The following RFX3 variants were observed in gnomAD, a reference collection of about 807,000 sequenced individuals.
The protein encoded by RFX3 is regulatory factor X3.
A neutral mutation model predicts 98.6 loss-of-function variants in RFX3; 14 were observed. The observed-to-expected ratio is 0.14, with a 90% CI of 0.09 to 0.22. The LOEUF (loss-of-function observed/expected upper bound fraction) is 0.22. Ranked by LOEUF, RFX3 falls within the 10% of genes least tolerant of loss-of-function variation. The pLI, the probability that RFX3 is intolerant of heterozygous loss-of-function variation, is 1.00. For missense variants in RFX3, 639 were observed against 926.9 expected (o/e 0.69, Z 4.03); for synonymous variants, 383 against 328.4 (o/e 1.17, Z -1.80).
At chr9:3,364,067 G>C (rs1836773634) in intron 2 of RFX3, among the ~76,000 whole-genome samples, 1 of 152,062 alleles carries the variant, frequency 6.6e-6, no homozygotes, top group African/African-American at 2.4e-5. Flanking sequence ...GTAGAGACGG[G>C]GTTTCACCAT....
intron 1 of RFX3, chr9:3,490,411 A>G (rs1325419341): frequency 5.3e-6 from 2 of 378,552 alleles, no homozygotes; most frequent in African/African-American, 4.4e-5. Flanking sequence ...TGTAGAAGCC[A>G]TGTGACTATT....
chr9:3,431,514 T>G (rs1225133277), intron 1 of RFX3, among the ~76,000 whole-genome samples: 1 of 152,172 alleles, frequency 6.6e-6, no homozygotes, highest in Non-Finnish European at 1.5e-5. Flanking sequence ...CCAACAGGTA[T>G]GAAAACCCCG....
intron 11 of RFX3, among the ~76,000 whole-genome samples, chr9:3,267,022 A>C (rs1256044079): frequency 2.0e-5 from 3 of 152,030 alleles, no homozygotes; most frequent in African/African-American, 7.2e-5. Flanking sequence ...CCCATGACAG[A>C]AGATTTTACG....
intron 4 of RFX3, among the ~76,000 whole-genome samples, chr9:3,309,840 T>A (rs1250481254): frequency 6.6e-6 from 1 of 152,202 alleles, no homozygotes; most frequent in African/African-American, 2.4e-5. Context: ...TGGCCCTTTG[T>A]TTTGCAGAGT....
Position 3,275,539 on chromosome 9 carries a change from A to C in RFX3, c.1047T>G (p.Asp349Glu). 1 of 1,612,226 alleles carries C rather than the reference A, an allele frequency of 6.2e-7. No homozygotes were observed. The highest frequency in any genetic ancestry group is 8.5e-7 in the Non-Finnish European group (1 of 1,178,416). ...SSLPDGTTFE[D>E]IKSLQSLYRE... is the part of the protein sequence containing the mutation. ...TATAAAGACTCTGCAGTGACTTGATATCCTCAAAGGTAGTACCATCTGGCA... is the reference window on the plus strand; with the variant it reads ...TATAAAGACTCTGCAGTGACTTGATCTCCTCAAAGGTAGTACCATCTGGCA... The change falls in exon 9 of 17, where the codon GAT becomes GAG. Residue 349 changes from aspartate to glutamate, a missense_variant. Coordinates refer to ENST00000617270, the MANE Select transcript of RFX3 (RefSeq NM_001282116.2).
intron 14 of RFX3, among the ~76,000 whole-genome samples, chr9:3,253,863 C>G (rs536827525): frequency 6.6e-6 from 1 of 152,076 alleles, no homozygotes; most frequent in Non-Finnish European, 1.5e-5. Context: ...AATTCTGCTT[C>G]TCTGATAGTT....
intron 1 of RFX3, among the ~76,000 whole-genome samples, chr9:3,518,944 A>G (rs1307404409): frequency 6.6e-6 from 1 of 152,232 alleles, no homozygotes; most frequent in Non-Finnish European, 1.5e-5. Context: ...ATAAAAATGT[A>G]GAATAATTCT....
chr9:3,373,680 T>C (rs1186599807), intron 2 of RFX3, among the ~76,000 whole-genome samples: 1 of 152,108 alleles, frequency 6.6e-6, no homozygotes, highest in Non-Finnish European at 1.5e-5. Context: ...AAGATCAATT[T>C]TATATACAGA....
At chr9:3,327,185 G>T (rs939917669) in intron 4 of RFX3, among the ~76,000 whole-genome samples, 1 of 151,746 alleles carries the variant, frequency 6.6e-6, no homozygotes, top group Admixed American at 6.6e-5. Flanking sequence ...CCATTTAATG[G>T]CATGGCATCT....
chr9:3,312,510 C>A (rs1445777127), intron 4 of RFX3, among the ~76,000 whole-genome samples: 4 of 151,680 alleles, frequency 2.6e-5, no homozygotes, highest in African/African-American at 9.7e-5. Flanking sequence ...ATTACTTCCA[C>A]AGCAATGTCA....
At chr9:3,299,309 A>T (rs1307237975) in intron 5 of RFX3, among the ~76,000 whole-genome samples, 1 of 151,768 alleles carries the variant, frequency 6.6e-6, no homozygotes, top group Non-Finnish European at 1.5e-5. Flanking sequence ...TCTCAGAAAC[A>T]TTAAAAGCAT....
chr9:3,394,090 C>T (rs894595157), intron 2 of RFX3, among the ~76,000 whole-genome samples: 2 of 152,096 alleles, frequency 1.3e-5, no homozygotes, highest in African/African-American at 4.8e-5. Flanking sequence ...ATCTAATAAA[C>T]TGGTAGCTTG....
chr9:3,408,997 T>G (rs1261527608), intron 1 of RFX3, among the ~76,000 whole-genome samples: 1 of 152,256 alleles, frequency 6.6e-6, no homozygotes, highest in Non-Finnish European at 1.5e-5. Flanking sequence ...CTACTTGTAC[T>G]GAATAAAATA....
chr9:3,317,576 A>G (rs929816427), intron 4 of RFX3, among the ~76,000 whole-genome samples: 1 of 152,246 alleles, frequency 6.6e-6, no homozygotes, highest in African/African-American at 2.4e-5. Context: ...ATCAGAGTGA[A>G]CAGACAACCT....
At chr9:3,403,923 C>T (rs1161317097) in intron 1 of RFX3, among the ~76,000 whole-genome samples, 1 of 152,120 alleles carries the variant, frequency 6.6e-6, no homozygotes, top group Non-Finnish European at 1.5e-5. Context: ...GACAGTGTTC[C>T]TCTAGATTAT....
chr9:3,499,023 T>C lies in RFX3; in HGVS notation c.-9+26724A>G, dbSNP rs879457158. 3.9e-5 allele frequency among the ~76,000 whole-genome samples: 6 copies of C among 152,126 alleles called. No homozygotes were observed. In the East Asian group the frequency reaches 1.2e-3, roughly 29 times the overall value. On this transcript the variant is annotated intron_variant, in intron 1 of 16. Transcript: ENST00000617270. ...ACATCCTATTAAAAACAAGTCACACTGAGAGATTTCTAACAAAGGGACAAA... is the reference window on the plus strand; with the variant it reads ...ACATCCTATTAAAAACAAGTCACACCGAGAGATTTCTAACAAAGGGACAAA...
chr9:3,397,968 A>G (rs879283680), intron 1 of RFX3, among the ~76,000 whole-genome samples: 6 of 152,184 alleles, frequency 3.9e-5, no homozygotes, highest in East Asian at 1.9e-4. Flanking sequence ...AAAGTGATCA[A>G]TTCAGTGGCT....
At chr9:3,349,464 T>A (rs981241206) in intron 2 of RFX3, among the ~76,000 whole-genome samples, 3 of 152,100 alleles carry the variant, frequency 2.0e-5, no homozygotes, top group Non-Finnish European at 4.4e-5. Flanking sequence ...TGATTTAATT[T>A]TGTTTTATGA....
intron 1 of RFX3, among the ~76,000 whole-genome samples, chr9:3,463,872 G>C (rs1265058709): frequency 6.6e-6 from 1 of 152,078 alleles, no homozygotes; most frequent in Non-Finnish European, 1.5e-5. Flanking sequence ...TCCTCAGAGG[G>C]TGAGGTGGGA....
Sources: gnomAD v4.1 joint callset for allele counts (sites outside exome capture counted in the v4.1 genomes callset) on GRCh38, gnomAD v4.1.1 for gene constraint, MANE v1.5 for transcripts, NCBI Gene and HGNC (gene_info 2026-07-23, HGNC 2026-07-21) for gene names.